The following CLIC2 variants were observed in gnomAD, a reference collection of about 807,000 sequenced individuals.
CLIC2 encodes CLIC family member 2.
CLIC2 carries 9 observed loss-of-function variants against 14.8 expected under a neutral mutation model. That is an observed-to-expected ratio of 0.61 (90% CI 0.37 to 1.06). The LOEUF (loss-of-function observed/expected upper bound fraction) is 1.06. CLIC2 is among the 50% of genes least tolerant of loss of function. CLIC2 has a pLI of 0.01. For synonymous variants in CLIC2, 61 were observed against 66.3 expected (o/e 0.92, Z 0.39); for missense variants, 148 against 181.4 (o/e 0.82, Z 1.06).
intron 1 of CLIC2, among the ~76,000 whole-genome samples, chrX:155,320,087 C>A (rs1219395320): frequency 8.0e-5 from 9 of 112,371 alleles, no homozygotes; most frequent in African/African-American, 2.3e-4. Flanking sequence ...ACTCCCATCT[C>A]CCTGCGACAG....
chrX:155,325,450 C>T (rs993000768), intron 1 of CLIC2, among the ~76,000 whole-genome samples: 1 of 110,441 alleles, frequency 9.1e-6, no homozygotes, highest in African/African-American at 3.3e-5. Context: ...GAGTTCATGT[C>T]CTTTGCAGAG....
intron 1 of CLIC2, among the ~76,000 whole-genome samples, chrX:155,328,253 T>G (rs1862808199): frequency 9.0e-6 from 1 of 111,105 alleles, no homozygotes; most frequent in Admixed American, 9.6e-5. Flanking sequence ...ATCTTATATT[T>G]GGAAAAACCT....
chrX:155,311,971 A>C (rs929683811), intron 1 of CLIC2, among the ~76,000 whole-genome samples: 13 of 111,790 alleles, frequency 1.2e-4, no homozygotes, highest in African/African-American at 4.2e-4. Flanking sequence ...CCACAACATG[A>C]GGGAATTATG....
At chrX:155,295,460 A>C (rs1406530703) in intron 3 of CLIC2, among the ~76,000 whole-genome samples, 1 of 111,315 alleles carries the variant, frequency 9.0e-6, no homozygotes, top group Non-Finnish European at 1.9e-5. Context: ...AATGGAAAAA[A>C]AACAAGAATG....
intron 1 of CLIC2, among the ~76,000 whole-genome samples, chrX:155,305,341 G>A (rs1209776916): frequency 8.9e-6 from 1 of 112,214 alleles, no homozygotes; most frequent in Non-Finnish European, 1.9e-5. Flanking sequence ...GATTTTCCAG[G>A]TGCCATCTGT....
chrX:155,305,143 T>G lies in CLIC2; in HGVS notation c.58-5998A>C, dbSNP rs782257771. On this transcript the variant is annotated intron_variant, in intron 1 of 5. Transcript: ENST00000369449. ...CTTCTGGGCTGCTTTGTTTACCTAA[T>G]CAAGCCTGGGCAATGGCGGGCGCCC... Among the ~76,000 whole-genome samples, 841 of 112,446 alleles carry G rather than the reference T, an allele frequency of 7.5e-3. 5 individuals carry two copies. Among genetic ancestry groups the G allele is most frequent in the Non-Finnish European group, 8.9e-3 (475 of 53,106 alleles).
chrX:155,320,018 C>T (rs2075108537), intron 1 of CLIC2, among the ~76,000 whole-genome samples: 1 of 112,751 alleles, frequency 8.9e-6, no homozygotes. Context: ...AGATTCCTCC[C>T]TCTGGGCAGG....
chrX:155,301,119 G>T (rs113904267), intron 1 of CLIC2, among the ~76,000 whole-genome samples: 4 of 71,998 alleles, frequency 5.6e-5, no homozygotes, highest in Non-Finnish European at 9.0e-5. Context: ...GTGAAGAAAG[G>T]CATTGGTAGC....
At chrX:155,311,604 T>C (rs1193722393) in intron 1 of CLIC2, among the ~76,000 whole-genome samples, 5 of 112,141 alleles carry the variant, frequency 4.5e-5, no homozygotes, top group Admixed American at 1.9e-4. Context: ...TATTACCCAG[T>C]TCCAAAGTTG....
chrX:155,303,139 G>A (rs1401893006), intron 1 of CLIC2, among the ~76,000 whole-genome samples: 6 of 92,793 alleles, frequency 6.5e-5, no homozygotes, highest in African/African-American at 1.5e-4. Flanking sequence ...TATCCTTGTT[G>A]ACTTTCTGTC....
chrX:155,294,519 A>G (rs147074788), intron 3 of CLIC2, among the ~76,000 whole-genome samples: 1,910 of 111,655 alleles, frequency 0.017, 52 homozygotes, highest in African/African-American at 0.059. Context: ...CAAACCAAAT[A>G]CCAAATTAGC....
Position 155,325,766 on chromosome X carries a change from AT to A in CLIC2, c.57+8604del, listed in dbSNP as rs1416745533. Among the ~76,000 whole-genome samples, 171 of 17,241 alleles carry A rather than the reference AT, an allele frequency of 9.9e-3. 1 individual carries two copies. Among genetic ancestry groups the A allele is most frequent in the African/African-American group, 0.069 (166 of 2,395 alleles). 15.0% of individuals were successfully genotyped at this position (17,241 alleles called of 115,157 possible). The stretch of plus-strand genomic sequence containing the variant: ...TATAATAAAAAAGAAAATGTGATAT[AT>A]ATATATATATATATATATATATATA... On this transcript the variant is annotated intron_variant, in intron 1 of 5. Transcript: ENST00000369449.
chrX:155,321,233 G>T (rs148996976), intron 1 of CLIC2, among the ~76,000 whole-genome samples: 1,286 of 111,064 alleles, frequency 0.012, 11 homozygotes, highest in Non-Finnish European at 0.017. Flanking sequence ...GATACTCCTC[G>T]AGAAGAGCAA....
At chrX:155,299,666 G>A (rs1321401444) in intron 1 of CLIC2, among the ~76,000 whole-genome samples, 11 of 106,266 alleles carry the variant, frequency 1.0e-4, no homozygotes, top group Non-Finnish European at 1.4e-4. Flanking sequence ...ATGCTGGTGC[G>A]CTGCACCCAC....
chrX:155,292,331 T>C, intron 3 of CLIC2: 2 of 564,375 alleles, frequency 3.5e-6, no homozygotes, highest in East Asian at 3.3e-5. Flanking sequence ...TGAGCAGTGA[T>C]GAAGTGATTG....
At chrX:155,292,964 C>T in intron 3 of CLIC2, 1 of 1,037,807 alleles carries the variant, frequency 9.6e-7, no homozygotes, top group South Asian at 1.9e-5. Flanking sequence ...GCTCTCATCC[C>T]CGGACAGTTC....
At chrX:155,315,833 A>T (rs985302103) in intron 1 of CLIC2, among the ~76,000 whole-genome samples, 13 of 111,904 alleles carry the variant, frequency 1.2e-4, no homozygotes, top group Non-Finnish European at 2.3e-4. Flanking sequence ...TCTACAATGG[A>T]TAAGAATTCA....
In CLIC2 at chrX:155,302,529, A is replaced by G. The variant is rs1389661330; in HGVS notation, c.58-3384T>C. 6.2e-4 allele frequency among the ~76,000 whole-genome samples: 58 copies of G among 93,611 alleles called. 1 individual carries two copies. The highest frequency in any genetic ancestry group is 5.5e-3 in the Middle Eastern group (1 of 182). The allele number at this position is 93,611 out of a possible 115,157, so 81.3% of individuals were successfully genotyped here. A position where few individuals can be genotyped will look rare whatever the true frequency, so the allele number is the denominator to read the frequency against. ...ATTTTGTTGACCCTTTCAAAAAACC[A>G]CCTCCTGGATTCATTGATTTTTTGA... On this transcript the variant is annotated intron_variant, in intron 1 of 5. Transcript: ENST00000369449.
intron 1 of CLIC2, among the ~76,000 whole-genome samples, chrX:155,311,948 C>A (rs1557320629): frequency 9.0e-6 from 1 of 111,559 alleles, no homozygotes; most frequent in African/African-American, 3.3e-5. Context: ...AATTATCTCC[C>A]ACTGGGTCCC....
Sources: gnomAD v4.1 joint callset for allele counts (sites outside exome capture counted in the v4.1 genomes callset) on GRCh38, gnomAD v4.1.1 for gene constraint, MANE v1.5 for transcripts, NCBI Gene and HGNC (gene_info 2026-07-23, HGNC 2026-07-21) for gene names.